The following CNTNAP2 variants were observed in gnomAD, a reference collection of about 807,000 sequenced individuals.
CNTNAP2 encodes contactin associated protein 2, also known as contactin-associated protein-like 2.
CNTNAP2 carries 98 observed loss-of-function variants against 155.2 expected under a neutral mutation model. The observed-to-expected ratio is 0.63, with a 90% CI of 0.54 to 0.75. The LOEUF is 0.75. Ranked by LOEUF, CNTNAP2 falls within the 30% of genes least tolerant of loss-of-function variation. The pLI, the probability that CNTNAP2 is intolerant of heterozygous loss-of-function variation, is 0.00. For synonymous variants in CNTNAP2, 651 were observed against 631.2 expected, an observed-to-expected ratio of 1.03 and a Z score of -0.47; for missense variants, 1,727 against 1,688.1, an observed-to-expected ratio of 1.02 and a Z score of -0.40.
At chr7:146,629,226 AC>A (rs1036353679) in intron 1 of CNTNAP2, among the ~76,000 whole-genome samples, 17 of 152,120 alleles carry the variant, frequency 1.1e-4, no homozygotes, top group African/African-American at 4.1e-4. Flanking sequence ...CCTGGCAGTT[AC>A]CCCTCTCACT....
intron 1 of CNTNAP2, among the ~76,000 whole-genome samples, chr7:146,708,490 C>G (rs116061200): frequency 0.019 from 2,778 of 148,000 alleles, 94 homozygotes; most frequent in African/African-American, 0.065. Context: ...GCTATTTAGC[C>G]TGAAATATTA....
chr7:147,565,420 A>G (rs1800151567), intron 12 of CNTNAP2, among the ~76,000 whole-genome samples: 1 of 152,160 alleles, frequency 6.6e-6, no homozygotes. Flanking sequence ...CGTCTATGGA[A>G]AGATTTTAAG....
intron 3 of CNTNAP2, among the ~76,000 whole-genome samples, chr7:146,876,338 C>T (rs1795428007): frequency 2.0e-5 from 3 of 151,952 alleles, no homozygotes; most frequent in South Asian, 4.2e-4. Flanking sequence ...TGAATCAGGT[C>T]GGATTTCATA....
intron 2 of CNTNAP2, among the ~76,000 whole-genome samples, chr7:146,799,924 C>T (rs954417531): frequency 2.0e-5 from 3 of 151,786 alleles, no homozygotes; most frequent in African/African-American, 7.3e-5. Flanking sequence ...ATCATAATTG[C>T]TATGAAAGAT....
intron 21 of CNTNAP2, among the ~76,000 whole-genome samples, chr7:148,310,226 T>C (rs1242562461): frequency 2.6e-5 from 4 of 152,130 alleles, no homozygotes; most frequent in African/African-American, 7.2e-5. Flanking sequence ...GTTGGCAAGT[T>C]TTTGGGCTCT....
intron 1 of CNTNAP2, among the ~76,000 whole-genome samples, chr7:146,529,692 T>A (rs2129138933): frequency 6.6e-6 from 1 of 151,898 alleles, no homozygotes; most frequent in South Asian, 2.1e-4. Flanking sequence ...TAGGGCCGGG[T>A]GCGGTGGCTC....
intron 16 of CNTNAP2, among the ~76,000 whole-genome samples, chr7:148,142,440 T>C (rs79953585): frequency 1.7e-3 from 253 of 152,302 alleles, no homozygotes; most frequent in Non-Finnish European, 3.0e-3. Context: ...CTGTTCACCA[T>C]AGAGTGAGGC....
At chr7:146,341,087 A>T (rs1005105943) in intron 1 of CNTNAP2, among the ~76,000 whole-genome samples, 1 of 152,170 alleles carries the variant, frequency 6.6e-6, no homozygotes, top group African/African-American at 2.4e-5. Context: ...ATAGTTATTA[A>T]AGTGAACTTA....
At chr7:147,664,532 C>T (rs772184462) in intron 13 of CNTNAP2, among the ~76,000 whole-genome samples, 2 of 152,064 alleles carry the variant, frequency 1.3e-5, no homozygotes, top group South Asian at 2.1e-4. Flanking sequence ...GCCTTTTTTT[C>T]GCCTTCAAAA....
chr7:146,812,081 A>G (rs1229710368), intron 2 of CNTNAP2, among the ~76,000 whole-genome samples: 1 of 152,154 alleles, frequency 6.6e-6, no homozygotes, highest in African/African-American at 2.4e-5. Context: ...GTGTTGCTGT[A>G]TAGATACCTG....
At chr7:147,303,032 G>C (rs1794972570) in intron 9 of CNTNAP2, among the ~76,000 whole-genome samples, 1 of 152,182 alleles carries the variant, frequency 6.6e-6, no homozygotes, top group African/African-American at 2.4e-5. Flanking sequence ...GGTGCCAGGT[G>C]ACAGAAAGCC....
chr7:147,249,626 G>T (rs867553597), intron 8 of CNTNAP2, among the ~76,000 whole-genome samples: 3 of 50,232 alleles, frequency 6.0e-5, no homozygotes, highest in South Asian at 1.4e-3. Flanking sequence ...AAAAAAAAAA[G>T]GTTTCAGCAC....
At chr7:146,980,185 G>A (rs1797987146) in intron 3 of CNTNAP2, among the ~76,000 whole-genome samples, 1 of 152,130 alleles carries the variant, frequency 6.6e-6, no homozygotes, top group Non-Finnish European at 1.5e-5. Context: ...CAGGTGGATA[G>A]GGGGATGTGG....
chr7:146,138,760 A>G (rs1797834257), intron 1 of CNTNAP2, among the ~76,000 whole-genome samples: 1 of 152,086 alleles, frequency 6.6e-6, no homozygotes, highest in African/African-American at 2.4e-5. Flanking sequence ...TTTCTTTATA[A>G]ATGCAACTCA....
chr7:147,815,980 A>G (rs7805083), intron 13 of CNTNAP2, among the ~76,000 whole-genome samples: 23,637 of 152,194 alleles, frequency 0.16, 2,705 homozygotes, highest in African/African-American at 0.33. Flanking sequence ...ACATATTCTC[A>G]GACTCTGGCT....
chr7:146,743,327 A>G (rs1451264104), intron 1 of CNTNAP2, among the ~76,000 whole-genome samples: 1 of 152,186 alleles, frequency 6.6e-6, no homozygotes, highest in Non-Finnish European at 1.5e-5. Context: ...TTAAACCATC[A>G]GTGGACCTAA....
chr7:146,713,376 A>C (rs344478), intron 1 of CNTNAP2, among the ~76,000 whole-genome samples: 41,567 of 152,030 alleles, frequency 0.27, 13,944 homozygotes, highest in African/African-American at 0.8. Context: ...GCTTCTCTGG[A>C]AGGCCATTTG....
chr7:146,684,552 G>A (rs1310165149), intron 1 of CNTNAP2, among the ~76,000 whole-genome samples: 1 of 135,708 alleles, frequency 7.4e-6, no homozygotes, highest in African/African-American at 2.8e-5. Flanking sequence ...CTAGAAAATG[G>A]TGAGTTTTAA....
At chr7:146,963,513 A>G (rs1016529968) in intron 3 of CNTNAP2, among the ~76,000 whole-genome samples, 5 of 152,150 alleles carry the variant, frequency 3.3e-5, no homozygotes, top group African/African-American at 4.8e-5. Flanking sequence ...TTTTTAATAT[A>G]TCTCATTTAA....
Sources: gnomAD v4.1 joint callset for allele counts (sites outside exome capture counted in the v4.1 genomes callset) on GRCh38, gnomAD v4.1.1 for gene constraint, MANE v1.5 for transcripts, NCBI Gene and HGNC (gene_info 2026-07-23, HGNC 2026-07-21) for gene names.